Variants in CSTF1 observed in about 807,000 individuals in gnomAD.
CSTF1 encodes CF-1 50 kDa subunit.
CSTF1 carries 2 observed loss-of-function variants against 40.9 expected under a neutral mutation model. The ratio of observed to expected loss-of-function variants is 0.05; its 90% confidence interval spans 0.02 to 0.15. The LOEUF (loss-of-function observed/expected upper bound fraction) is 0.15. CSTF1 is among the 10% of genes least tolerant of loss of function. The pLI is 1.00. For missense variants in CSTF1, 279 were observed against 558.9 expected (o/e 0.50, Z 5.05); for synonymous variants, 218 against 207.2 (o/e 1.05, Z -0.45).
chr20:56,401,043 AATG>A (rs1407801102), intron 5 of CSTF1, among the ~76,000 whole-genome samples: 1 of 152,208 alleles, frequency 6.6e-6, no homozygotes, highest in Non-Finnish European at 1.5e-5. Context: ...CGTCTCAAAA[AATG>A]ATAATAATAA....
chr20:56,395,024 A>G (rs1600728114), intron 1 of CSTF1, among the ~76,000 whole-genome samples: 1 of 152,360 alleles, frequency 6.6e-6, no homozygotes, highest in East Asian at 1.9e-4. Flanking sequence ...TAACAAGCTC[A>G]GTTGCCTTAA....
intron 4 of CSTF1, among the ~76,000 whole-genome samples, chr20:56,398,392 G>A (rs1318206221): frequency 6.6e-6 from 1 of 152,094 alleles, no homozygotes; most frequent in African/African-American, 2.4e-5. Flanking sequence ...AATGTAGTGA[G>A]ACCTCATCTC....
intron 4 of CSTF1, 130 bp from the exon 5 acceptor site, chr20:56,398,837 C>G (rs1978336173): frequency 2.4e-6 from 2 of 820,736 alleles, no homozygotes; most frequent in Non-Finnish European, 1.8e-6. Flanking sequence ...CACTTTTTTT[C>G]TTATGATACC....
Position 56,397,349 on chromosome 20 carries a change from C to G in CSTF1, c.312C>G (p.Val104=). The G allele has an allele frequency of 1.9e-6, 3 of 1,614,154 alleles. No individual in the cohort carries two copies. In the Admixed American group the frequency reaches 5.0e-5, roughly 27 times the overall value. ...PEASEYETCY[V]TSHKGPCRVA... ...CTTCTGAGTACGAAACATGCTATGT[C>G]ACATCACATAAAGGACCATGCCGTG... The change falls in exon 3 of 6, where the codon GTC becomes GTG. Residue 104 remains valine, a synonymous_variant. Coordinates refer to ENST00000217109, the MANE Select transcript of CSTF1 (RefSeq NM_001324.3). This position sits in a 1 kb window ranked among gnomAD's most constrained non-coding sequence, Gnocchi z 4.4.
At position 56,392,647 on chromosome 20, in the gene CSTF1, AT is replaced by A. The variant is rs1987288945; in HGVS notation, c.-97del. On this transcript the variant is annotated 5_prime_UTR_variant, in exon 1 of 6. It adds an upstream start codon to the 5' untranslated region. Coordinates refer to ENST00000217109, the MANE Select transcript of CSTF1 (RefSeq NM_001324.3). ...AGTGAACGTGCGCTCGGAGCGGTAG[AT>A]TGGGCAGGATTCGCGCCTCCATTTT... 2 of 152,272 alleles carry A rather than the reference AT, an allele frequency of 1.3e-5. No individual in the cohort carries two copies. The highest frequency in any genetic ancestry group is 4.8e-5 in the African/African-American group (2 of 41,474). 9.4% of individuals were successfully genotyped at this position (152,272 alleles called of 1,614,324 possible).
chr20:56,402,708 A>T (rs1419783065), intron 5 of CSTF1, among the ~76,000 whole-genome samples: 1 of 152,174 alleles, frequency 6.6e-6, no homozygotes, highest in Non-Finnish European at 1.5e-5. Flanking sequence ...AGGCCGAAGC[A>T]GGTGGATCAC....
At position 56,403,875 on chromosome 20, in the gene CSTF1, T is replaced by C; in HGVS notation, c.*148T>C. ...TTCTTGGATTTGTATAAAAGAATCTTTTTTTACCTTGATGTAGAATCATGG... is the reference window on the plus strand; with the variant it reads ...TTCTTGGATTTGTATAAAAGAATCTCTTTTTACCTTGATGTAGAATCATGG... On this transcript the variant is annotated 3_prime_UTR_variant, in exon 6 of 6. Coordinates refer to ENST00000217109, the MANE Select transcript of CSTF1 (RefSeq NM_001324.3). 2 of 811,232 alleles carry C rather than the reference T, an allele frequency of 2.5e-6. No homozygotes were observed. Among genetic ancestry groups the C allele is most frequent in the Non-Finnish European group, 3.9e-6 (2 of 518,640 alleles). 50.3% of individuals were successfully genotyped at this position (811,232 alleles called of 1,614,324 possible).
chr20:56,395,926 G>C (rs1198281720), intron 2 of CSTF1: 4 of 535,168 alleles, frequency 7.5e-6, no homozygotes, highest in Non-Finnish European at 1.3e-5. Flanking sequence ...ACCTTAAGCT[G>C]GTTCTGGCCT....
chr20:56,397,116 G>C lies in CSTF1; in HGVS notation c.170-91G>C. On this transcript the variant is annotated intron_variant, in intron 2 of 5. Transcript: ENST00000217109. This position sits in a 1 kb window ranked among gnomAD's most constrained non-coding sequence, Gnocchi z 4.4. ...AGAAATAGGAGGTTGACACTGGTGA[G>C]CATCTTTCCAGTTTGGATCTAGAAT... is the stretch of plus-strand genomic sequence containing the variant. 1 of 1,369,782 alleles carries C rather than the reference G, an allele frequency of 7.3e-7. No homozygotes were observed. Among genetic ancestry groups the C allele is most frequent in the East Asian group, 2.3e-5 (1 of 43,640 alleles). The allele number at this position is 1,369,782 out of a possible 1,614,324, so 84.9% of individuals were successfully genotyped here.
At chr20:56,395,818 C>A in intron 2 of CSTF1, 97 bp downstream of exon 2, 1 of 1,345,770 alleles carries the variant, frequency 7.4e-7, no homozygotes, top group Non-Finnish European at 1.0e-6. Context: ...TGTTTCAGTA[C>A]CTAGTATGAG....
chr20:56,403,242 C>T (rs1183694234), intron 5 of CSTF1, among the ~76,000 whole-genome samples: 1 of 151,778 alleles, frequency 6.6e-6, no homozygotes, highest in African/African-American at 2.4e-5. Flanking sequence ...TCTTGAACTC[C>T]TGGGCTCAAG....
chr20:56,395,740 T>C lies in CSTF1; in HGVS notation c.169+19T>C. 6.2e-7 allele frequency: 1 copy of C among 1,606,920 alleles called. No individual in the cohort carries two copies. The highest frequency in any genetic ancestry group is 8.5e-7 in the Non-Finnish European group (1 of 1,177,034). ...AAACTCGGTAGATTGTGAACACAAA[T>C]CCATACGTCCCATGGCAAGGTTTTA... is the stretch of plus-strand genomic sequence containing the variant. On this transcript the variant is annotated intron_variant, in intron 2 of 5. Transcript: ENST00000217109.
intron 2 of CSTF1, among the ~76,000 whole-genome samples, chr20:56,396,513 C>A (rs1245175655): frequency 1.2e-4 from 19 of 152,082 alleles, no homozygotes; most frequent in Admixed American, 1.1e-3. Flanking sequence ...AAGTGAGTCA[C>A]AACATGTTAC....
intron 5 of CSTF1, among the ~76,000 whole-genome samples, chr20:56,402,221 C>G (rs1450263460): frequency 4.6e-5 from 7 of 151,676 alleles, no homozygotes; most frequent in African/African-American, 1.7e-4. Context: ...GCAGGAGAAT[C>G]TCTTGAACCC....
At position 56,397,397 on chromosome 20, in the gene CSTF1, A is replaced by G. The variant is rs1478681421; in HGVS notation, c.360A>G (p.Gly120=). The change falls in exon 3 of 6, where the codon GGA becomes GGG. Residue 120 remains glycine, a synonymous_variant. Transcript: ENST00000217109. This position sits in a 1 kb window ranked among gnomAD's most constrained non-coding sequence, Gnocchi z 4.4. ...PCRVATYSRD[G]QLIATGSADA... is the part of the protein sequence containing the mutation. ...GTGTAGCTACCTATAGTAGAGATGG[A>G]CAGTTAATAGCTACTGGGTCTGCTG... 2 of 1,614,060 alleles carry G rather than the reference A, an allele frequency of 1.2e-6. No homozygotes were observed. Among genetic ancestry groups the G allele is most frequent in the Admixed American group, 1.7e-5 (1 of 59,992 alleles).
rs747652622 is a variant in CSTF1, at chr20:56,397,284, C to G, written c.247C>G (p.Leu83Val). Residue 83 changes from leucine to valine, a missense_variant, in exon 3 of 6, where the codon CTG becomes GTG. Physicochemically the swap from Leu to Val is conservative, Grantham distance 32. This residue lies in a region of CSTF1 where 66 missense variants were observed against 148.0 expected (regional missense o/e 0.45). Transcript: ENST00000217109. This position sits in a 1 kb window ranked among gnomAD's most constrained non-coding sequence, Gnocchi z 4.4. ...TGTTGCCCCTGGCACAGGGATTGAC[C>G]TGGAATTTGATGCAGATGTTCAGAC... is the stretch of plus-strand genomic sequence containing the variant. ...DTVAPGTGID[L>V]EFDADVQTMS... is the part of the protein sequence containing the mutation. 6.2e-7 allele frequency: 1 copy of G among 1,614,218 alleles called. No individual in the cohort carries two copies. Among genetic ancestry groups the G allele is most frequent in the Non-Finnish European group, 8.5e-7 (1 of 1,180,048 alleles).
rs1340508404 is a variant in CSTF1 at position 56,399,402 on chromosome 20, A to G, written c.1036+45A>G. On this transcript the variant is annotated intron_variant, in intron 5 of 5. Coordinates refer to ENST00000217109, the MANE Select transcript of CSTF1 (RefSeq NM_001324.3). This position sits in a 1 kb window ranked among gnomAD's most constrained non-coding sequence, Gnocchi z 4.6. ...TACTTAACATTTCTGTAGTGTTTACACTTTCCAGAACTCTCTTTTAAGACC... is the reference window on the plus strand; with the variant it reads ...TACTTAACATTTCTGTAGTGTTTACGCTTTCCAGAACTCTCTTTTAAGACC... The G allele has an allele frequency of 2.0e-6, 3 of 1,516,668 alleles. No individual in the cohort carries two copies. The highest frequency in any genetic ancestry group is 2.7e-6 in the Non-Finnish European group (3 of 1,119,810). 94.0% of individuals were successfully genotyped at this position (1,516,668 alleles called of 1,614,324 possible). A position where few individuals can be genotyped will look rare whatever the true frequency, so the allele number is the denominator to read the frequency against.
At chr20:56,398,440 C>T (rs545513481) in intron 4 of CSTF1, among the ~76,000 whole-genome samples, 15 of 152,250 alleles carry the variant, frequency 9.9e-5, no homozygotes, top group African/African-American at 2.6e-4. Context: ...CATGGTGGCA[C>T]GCGCCGATAG....
At chr20:56,392,640 G>A (rs1987288074), upstream of CSTF1, 1 of 152,326 alleles carries the variant, frequency 6.6e-6, no homozygotes, top group African/African-American at 2.4e-5. Context: ...TGCGCTCGGA[G>A]CGGTAGATTG....
Sources: gnomAD v4.1 joint callset for allele counts (sites outside exome capture counted in the v4.1 genomes callset) on GRCh38, gnomAD v4.1.1 for gene constraint, gnomAD v4.1.1 regional missense constraint, Gnocchi (gnomAD v3.1) non-coding constraint, MANE v1.5 for transcripts, NCBI Gene and HGNC (gene_info 2026-07-23, HGNC 2026-07-21) for gene names.